The following DMD variants were observed in gnomAD, a reference collection of about 807,000 sequenced individuals.
DMD encodes mutant dystrophin.
DMD carries 63 observed loss-of-function variants against 330.1 expected under a neutral mutation model. That is an observed-to-expected ratio of 0.19 (90% confidence interval 0.16 to 0.24). The LOEUF (loss-of-function observed/expected upper bound fraction) is 0.24, where lower values mean the gene tolerates loss of function less well. Ranked by LOEUF, DMD falls within the 10% of genes least tolerant of loss-of-function variation. DMD has a pLI of 1.00. For missense variants in DMD, 3,344 were observed against 2,684.1 expected (o/e 1.25, Z -5.43); for synonymous variants, 1,223 against 959.8 (o/e 1.27, Z -5.07).
At chrX:31,608,113 C>T (rs1054293103) in intron 55 of DMD, among the ~76,000 whole-genome samples, 2 of 111,880 alleles carry the variant, frequency 1.8e-5, no homozygotes, top group African/African-American at 6.5e-5. Context: ...GAGTAATTAA[C>T]AGAGCTATGA....
At chrX:31,710,117 G>GAT (rs1350921463) in intron 52 of DMD, among the ~76,000 whole-genome samples, 2 of 111,734 alleles carry the variant, frequency 1.8e-5, no homozygotes, top group Non-Finnish European at 3.8e-5. Flanking sequence ...AGATGTCCGG[G>GAT]AATGGCCAGT....
At chrX:32,196,374 T>C (rs1437975686) in intron 44 of DMD, among the ~76,000 whole-genome samples, 1 of 112,208 alleles carries the variant, frequency 8.9e-6, no homozygotes, top group African/African-American at 3.2e-5. Flanking sequence ...CCTGAAACTT[T>C]CCTGAGTTTC....
At chrX:32,553,049 A>T (rs775937825) in intron 16 of DMD, among the ~76,000 whole-genome samples, 1 of 112,069 alleles carries the variant, frequency 8.9e-6, no homozygotes, top group African/African-American at 3.2e-5. Flanking sequence ...CATTCGACCC[A>T]GCAATAACAA....
At chrX:32,568,393 A>G (rs1434497855) in intron 15 of DMD, among the ~76,000 whole-genome samples, 1 of 109,434 alleles carries the variant, frequency 9.1e-6, no homozygotes, top group Non-Finnish European at 1.9e-5. Flanking sequence ...CTGTGGTCCC[A>G]GCGACTCAGG....
chrX:32,249,624 G>A (rs971490568), intron 43 of DMD, among the ~76,000 whole-genome samples: 2 of 111,562 alleles, frequency 1.8e-5, no homozygotes, highest in East Asian at 2.8e-4. Context: ...ATGGAGCCAC[G>A]ATTCAAACTC....
At chrX:32,261,840 G>A (rs2097324701) in intron 43 of DMD, among the ~76,000 whole-genome samples, 1 of 111,611 alleles carries the variant, frequency 9.0e-6, no homozygotes, top group Non-Finnish European at 1.9e-5. Context: ...TTTTCGTGGA[G>A]TGGGTAATAA....
At chrX:32,726,944 G>A (rs755440834) in intron 7 of DMD, among the ~76,000 whole-genome samples, 3 of 110,435 alleles carry the variant, frequency 2.7e-5, no homozygotes, top group South Asian at 7.7e-4. Context: ...CCAAAAGTGA[G>A]CCCAATAATA....
intron 1 of DMD, among the ~76,000 whole-genome samples, chrX:33,264,187 C>T (rs1347258926): frequency 9.0e-6 from 1 of 111,228 alleles, no homozygotes; most frequent in Non-Finnish European, 1.9e-5. Flanking sequence ...AATAAATGCA[C>T]TGTCGAGTCC....
intron 60 of DMD, among the ~76,000 whole-genome samples, chrX:31,372,915 T>C (rs2059672225): frequency 9.0e-6 from 1 of 111,697 alleles, no homozygotes; most frequent in Non-Finnish European, 1.9e-5. Flanking sequence ...ATTGTATATC[T>C]AGAAAACCCC....
At chrX:32,168,455 C>T (rs12846125) in intron 44 of DMD, among the ~76,000 whole-genome samples, 1 of 108,045 alleles carries the variant, frequency 9.3e-6, no homozygotes, top group African/African-American at 3.4e-5. Flanking sequence ...GACCCATCTT[C>T]CCTTTGGAAG....
chrX:33,091,675 G>A (rs1281485832), intron 1 of DMD, among the ~76,000 whole-genome samples: 5 of 111,730 alleles, frequency 4.5e-5, no homozygotes, highest in East Asian at 2.8e-4. Context: ...TATTTAGTAC[G>A]GGCTGGAGAT....
Position 32,595,852 on chromosome X carries a change from C to T in DMD, c.1507G>A (p.Glu503Lys). ...GTGAGAGAATTGACCCTGACTTGTT[C>T]TTGTTCTAGATCTTCTTGAAGCACC... ...HKVLQEDLEQEQVRVNSLTHM... is the reference protein window; with the variant it reads ...HKVLQEDLEQKQVRVNSLTHM... The change falls in exon 13 of 79, where the codon GAA (glutamate) becomes AAA (lysine). Residue 503 changes from glutamate to lysine, a missense_variant. Physicochemically the swap from Glu to Lys is moderately conservative, Grantham distance 56. Transcript: ENST00000357033. 1.7e-6 allele frequency: 2 copies of T among 1,200,566 alleles called. No homozygotes were observed. Among genetic ancestry groups the T allele is most frequent in the East Asian group, 5.9e-5 (2 of 33,748 alleles).
chrX:32,475,318 G>C (rs751566602), intron 21 of DMD, among the ~76,000 whole-genome samples: 76 of 111,338 alleles, frequency 6.8e-4, no homozygotes, highest in African/African-American at 2.4e-3. Flanking sequence ...TTTTTGCTTA[G>C]TCTTGCTTTG....
intron 60 of DMD, among the ~76,000 whole-genome samples, chrX:31,360,852 T>A (rs2148579379): frequency 8.9e-6 from 1 of 112,342 alleles, no homozygotes; most frequent in East Asian, 2.8e-4. Context: ...CTACCATAGC[T>A]GGGGCAAAAA....
At chrX:32,713,457 T>C (rs1282204673) in intron 7 of DMD, among the ~76,000 whole-genome samples, 1 of 111,364 alleles carries the variant, frequency 9.0e-6, no homozygotes, top group East Asian at 2.8e-4. Context: ...AGCTGCATAA[T>C]GTAGTATCTG....
At chrX:32,398,008 A>T (rs376600819) in intron 30 of DMD, among the ~76,000 whole-genome samples, 1 of 111,252 alleles carries the variant, frequency 9.0e-6, no homozygotes, top group Non-Finnish European at 1.9e-5. Context: ...AGTAATTTTG[A>T]AAGAGCCAGT....
chrX:32,493,774 CAAA>C lies in DMD; in HGVS notation c.2381-2259_2381-2257del, dbSNP rs776892973. Among the ~76,000 whole-genome samples, 92 of 111,443 alleles carry C rather than the reference CAAA, an allele frequency of 8.3e-4. 1 individual carries two copies. The Admixed American group carries it at 8.6e-3, about 10-fold the overall frequency. ...CAGAATTTTTAAATTATGTTAATAA[CAAA>C]AAATGTGGCATGGATCTAAATGATC... is the stretch of plus-strand genomic sequence containing the variant. On this transcript the variant is annotated intron_variant, in intron 19 of 78. Coordinates refer to ENST00000357033, the MANE Select transcript of DMD (RefSeq NM_004006.3).
chrX:31,766,873 TTGTGTG>T (rs756777827), intron 51 of DMD, among the ~76,000 whole-genome samples: 2 of 101,052 alleles, frequency 2.0e-5, no homozygotes, highest in African/African-American at 3.6e-5. Context: ...AAATATGATT[TTGTGTG>T]TGTGTGTGTG....
chrX:31,841,976 AAGG>A (rs1285587976), intron 48 of DMD, among the ~76,000 whole-genome samples: 1 of 110,928 alleles, frequency 9.0e-6, no homozygotes, highest in Non-Finnish European at 1.9e-5. Flanking sequence ...TACATTTTGT[AAGG>A]CTATAGCTGC....
Sources: gnomAD v4.1 joint callset for allele counts (sites outside exome capture counted in the v4.1 genomes callset) on GRCh38, gnomAD v4.1.1 for gene constraint, MANE v1.5 for transcripts, NCBI Gene and HGNC (gene_info 2026-07-23, HGNC 2026-07-21) for gene names.